RASGEF1C: variants seen among roughly 807,000 people sequenced by gnomAD.
RASGEF1C encodes ras-GEF domain-containing family member 1C.
Under a neutral mutation model 58.1 loss-of-function variants are expected in RASGEF1C, and 27 were observed. The ratio of observed to expected loss-of-function variants is 0.46; its 90% CI spans 0.34 to 0.64. The LOEUF is 0.64. RASGEF1C is among the 30% of genes least tolerant of loss of function. The pLI is 0.01. For synonymous variants in RASGEF1C, 243 were observed against 246.3 expected (o/e 0.99, Z 0.13); for missense variants, 502 against 605.1 (o/e 0.83, Z 1.79).
intron 8 of RASGEF1C, 98 bp from the exon 9 acceptor site, chr5:180,118,964 T>C (rs1766120806): frequency 7.3e-6 from 8 of 1,101,640 alleles, no homozygotes; most frequent in African/African-American, 3.1e-5. Flanking sequence ...AGGGCTGAGG[T>C]CTGCAGGGCT....
At chr5:180,128,153 C>A (rs952884413) in intron 5 of RASGEF1C, among the ~76,000 whole-genome samples, 1 of 152,206 alleles carries the variant, frequency 6.6e-6, no homozygotes, top group Non-Finnish European at 1.5e-5. Context: ...CGCACGGGAG[C>A]GCGCTGAAGA....
At chr5:180,208,595 C>G (rs1292125589) in intron 1 of RASGEF1C, among the ~76,000 whole-genome samples, 1 of 152,172 alleles carries the variant, frequency 6.6e-6, no homozygotes, top group African/African-American at 2.4e-5. Flanking sequence ...CACCCTCTTC[C>G]CCCAGGCGCA....
Position 180,137,614 on chromosome 5 carries a change from C to T in RASGEF1C, c.276G>A (p.Gln92=). 1.2e-6 allele frequency: 2 copies of T among 1,608,666 alleles called. No individual in the cohort carries two copies. The highest frequency in any genetic ancestry group is 1.7e-6 in the Non-Finnish European group (2 of 1,178,678). Residue 92 remains glutamine (Q), a synonymous_variant, in exon 3 of 14, where the codon CAG becomes CAA. Transcript: ENST00000361132. The surrounding 1 kb of genome is among the most constrained non-coding windows in gnomAD (Gnocchi z 4.1). ...RVCHLCIEQQ[Q]LDKPVLDKAR... ...CCTTGTCCAGCACCGGCTTGTCCAGCTGCTGCTGCTCGATGCACAGGTGGC... is the reference window on the plus strand; with the variant it reads ...CCTTGTCCAGCACCGGCTTGTCCAGTTGCTGCTGCTCGATGCACAGGTGGC...
intron 10 of RASGEF1C, 148 bp downstream of exon 10, chr5:180,118,461 G>A (rs1016646339): frequency 1.7e-5 from 12 of 697,620 alleles, no homozygotes; most frequent in Non-Finnish European, 2.8e-5. Context: ...GGGAGGTGGT[G>A]AGTTCCCCAC....
chr5:180,118,685 C>G lies in RASGEF1C; in HGVS notation c.1007G>C (p.Gly336Ala), dbSNP rs746879303. 1.9e-6 allele frequency: 3 copies of G among 1,614,166 alleles called. No individual in the cohort carries two copies. In the South Asian group the frequency reaches 3.3e-5, roughly 18 times the overall value. The change falls in exon 10 of 14, where the codon GGG becomes GCG. Residue 336 changes from glycine (G) to alanine (A), a missense_variant. By Grantham distance (60) the Gly-to-Ala change is moderately conservative. Coordinates refer to ENST00000361132, the MANE Select transcript of RASGEF1C (RefSeq NM_175062.4). The stretch of plus-strand genomic sequence containing the variant: ...GGCTGTCCTGTAGTTGCAGAAATTC[C>G]CCGTTGGGTCCATCTGGTGCTGGAA... ...FILEHQMDPT[G>A]NFCNYRTALR...
intron 1 of RASGEF1C, among the ~76,000 whole-genome samples, chr5:180,174,536 G>C (rs1243161913): frequency 7.8e-6 from 1 of 128,412 alleles, no homozygotes; most frequent in Non-Finnish European, 1.7e-5. Context: ...GTGTCTCTGT[G>C]TGTGCGTGTG....
At chr5:180,122,110 TA>T in intron 6 of RASGEF1C, among the ~76,000 whole-genome samples, 1 of 152,292 alleles carries the variant, frequency 6.6e-6, no homozygotes, top group South Asian at 2.1e-4. Context: ...ATAATGTCTT[TA>T]AACATAAGCA....
rs551136177 is a variant in RASGEF1C, at chr5:180,117,502, G to A, written c.1083+1107C>T. ...TCCCGCATGGCACGGGCCTTCAAAG[G>A]TACAACAAGTCTTGGAGTTTCCTCT... On this transcript the variant is annotated intron_variant, in intron 10 of 13. Coordinates refer to ENST00000361132, the MANE Select transcript of RASGEF1C (RefSeq NM_175062.4). 9.2e-5 allele frequency among the ~76,000 whole-genome samples: 14 copies of A among 152,334 alleles called. No homozygotes were observed. In the East Asian group the frequency reaches 1.7e-3, roughly 19 times the overall value.
At chr5:180,122,236 G>A (rs904619009) in intron 6 of RASGEF1C, among the ~76,000 whole-genome samples, 5 of 152,284 alleles carry the variant, frequency 3.3e-5, no homozygotes, top group South Asian at 2.1e-4. Flanking sequence ...TCCCTCACTC[G>A]GTGCTGCAGC....
intron 1 of RASGEF1C, among the ~76,000 whole-genome samples, chr5:180,147,111 C>G (rs1399495405): frequency 2.0e-5 from 3 of 151,686 alleles, no homozygotes; most frequent in Non-Finnish European, 4.4e-5. Flanking sequence ...TTTTATAGTA[C>G]TCTTATAATC....
chr5:180,173,111 T>C (rs898145302), intron 1 of RASGEF1C, among the ~76,000 whole-genome samples: 1 of 152,240 alleles, frequency 6.6e-6, no homozygotes, highest in African/African-American at 2.4e-5. Context: ...CGCCTGGGTG[T>C]CCTGCATGGG....
intron 1 of RASGEF1C, among the ~76,000 whole-genome samples, chr5:180,199,382 A>G (rs1333338117): frequency 6.6e-6 from 1 of 152,198 alleles, no homozygotes; most frequent in Non-Finnish European, 1.5e-5. Flanking sequence ...CGGATCCTGG[A>G]TATTAAAATA....
chr5:180,126,858 G>C (rs1463787303), intron 6 of RASGEF1C, among the ~76,000 whole-genome samples: 2 of 152,208 alleles, frequency 1.3e-5, no homozygotes, highest in Non-Finnish European at 2.9e-5. Flanking sequence ...AGTCCATTTA[G>C]AGCGTCGATG....
intron 1 of RASGEF1C, among the ~76,000 whole-genome samples, chr5:180,166,745 A>G (rs530931395): frequency 1.1e-4 from 16 of 151,736 alleles, no homozygotes; most frequent in Non-Finnish European, 1.9e-4. Flanking sequence ...CAAACTCCTC[A>G]CCTCAGATGA....
chr5:180,170,319 G>C (rs1053034292), intron 1 of RASGEF1C, among the ~76,000 whole-genome samples: 1 of 152,166 alleles, frequency 6.6e-6, no homozygotes, highest in Non-Finnish European at 1.5e-5. Flanking sequence ...CCAGCCAGGA[G>C]GCAGCTGCAA....
In RASGEF1C at chr5:180,163,250, TTTCC is replaced by T. The variant is rs1472888183; in HGVS notation, c.-6-25196_-6-25193del. On this transcript the variant is annotated intron_variant, in intron 1 of 13. Coordinates refer to ENST00000361132, the MANE Select transcript of RASGEF1C (RefSeq NM_175062.4). The stretch of plus-strand genomic sequence containing the variant: ...CCCTCACTTTTTTTTTTTTTTTTTT[TTTCC>T]AGCCTATTGCACTGGCTAGGACTTC... Among the ~76,000 whole-genome samples, 155 of 107,420 alleles carry T rather than the reference TTTCC, an allele frequency of 1.4e-3. 14 individuals carry two copies. In the East Asian group the frequency reaches 0.027, roughly 19 times the overall value. 70.5% of individuals were successfully genotyped at this position (107,420 alleles called of 152,430 possible). A position where few individuals can be genotyped will look rare whatever the true frequency, so the allele number is the denominator to read the frequency against.
At chr5:180,139,792 C>G (rs564327666) in intron 1 of RASGEF1C, among the ~76,000 whole-genome samples, 3 of 152,200 alleles carry the variant, frequency 2.0e-5, no homozygotes, top group Admixed American at 6.5e-5. Context: ...GCAGGGTGCA[C>G]GCTGCTCTGC....
chr5:180,182,304 C>T (rs1390730488), intron 1 of RASGEF1C, among the ~76,000 whole-genome samples: 2 of 147,794 alleles, frequency 1.4e-5, no homozygotes, highest in African/African-American at 2.5e-5. Flanking sequence ...TTTCTTCCTT[C>T]CGGTGGGTTT....
At chr5:180,141,737 T>A (rs1315408787) in intron 1 of RASGEF1C, among the ~76,000 whole-genome samples, 14 of 95,174 alleles carry the variant, frequency 1.5e-4, no homozygotes, top group Middle Eastern at 6.3e-3. Flanking sequence ...TTTTTTTTTT[T>A]AAACAGAGTC....
Sources: allele counts gnomAD v4.1 joint callset (sites outside exome capture counted in the v4.1 genomes callset), GRCh38; gene constraint gnomAD v4.1.1; non-coding constraint Gnocchi (gnomAD v3.1); transcripts MANE v1.5; gene names NCBI Gene and HGNC (gene_info 2026-07-23, HGNC 2026-07-21).